SEMA4D: variants seen among roughly 807,000 people sequenced by gnomAD.
SEMA4D encodes semaphorin-4D.
SEMA4D carries 22 observed loss-of-function variants against 74.8 expected under a neutral mutation model. The ratio of observed to expected loss-of-function variants is 0.29; its 90% CI spans 0.21 to 0.42. SEMA4D has a LOEUF of 0.42. SEMA4D is among the 10% of genes least tolerant of loss of function. The pLI is 1.00. For missense variants in SEMA4D, 937 were observed against 1,118.4 expected (o/e 0.84, Z 2.31); for synonymous variants, 445 against 463.7 (o/e 0.96, Z 0.52).
chr9:89,465,950 G>A (rs756523883), intron 1 of SEMA4D, among the ~76,000 whole-genome samples: 3 of 152,208 alleles, frequency 2.0e-5, no homozygotes, highest in Non-Finnish European at 4.4e-5. Flanking sequence ...GCAGAATAAG[G>A]TGTGTCTAGA....
downstream of SEMA4D, chr9:89,376,942 A>G (rs1835878232): frequency 1.3e-6 from 2 of 1,550,542 alleles, no homozygotes; most frequent in African/African-American, 2.7e-5. Context: ...CGGGCCCCGC[A>G]CCCGAGGCTG....
intron 2 of SEMA4D, among the ~76,000 whole-genome samples, chr9:89,445,715 G>A (rs188433299): frequency 9.8e-5 from 15 of 152,308 alleles, no homozygotes; most frequent in Admixed American, 5.2e-4. Flanking sequence ...TCAGACAGCC[G>A]AAGTCCCCTC....
intron 2 of SEMA4D, among the ~76,000 whole-genome samples, chr9:89,447,561 C>G (rs1338947213): frequency 6.6e-6 from 1 of 152,116 alleles, no homozygotes. Context: ...GGTCCACCTT[C>G]AAATAAGCGC....
chr9:89,426,331 T>A (rs1221484359), intron 2 of SEMA4D, among the ~76,000 whole-genome samples: 2 of 152,202 alleles, frequency 1.3e-5, no homozygotes, highest in African/African-American at 4.8e-5. Context: ...TCATCTTTAG[T>A]GATTCTTTAA....
intron 2 of SEMA4D, among the ~76,000 whole-genome samples, chr9:89,419,609 C>T (rs370311771): frequency 5.3e-5 from 8 of 152,108 alleles, no homozygotes; most frequent in South Asian, 2.1e-4. Flanking sequence ...GTGAATATCA[C>T]GGATTTTAAA....
chr9:89,362,166 G>A, exon 19 of SEMA4D: 1 of 617,186 alleles, frequency 1.6e-6, no homozygotes, highest in South Asian at 2.0e-5. Flanking sequence ...TACTGTCCCA[G>A]GTAAGCACCT....
At chr9:89,463,665 G>A (rs1310466046) in intron 1 of SEMA4D, among the ~76,000 whole-genome samples, 1 of 152,240 alleles carries the variant, frequency 6.6e-6, no homozygotes, top group Non-Finnish European at 1.5e-5. Context: ...GCCGGGCATG[G>A]TGGCTCACGC....
At chr9:89,372,517 C>T (rs1653029415), downstream of SEMA4D, among the ~76,000 whole-genome samples, 3 of 151,882 alleles carry the variant, frequency 2.0e-5, no homozygotes, top group Admixed American at 1.3e-4. Context: ...GACAGCAGTC[C>T]ATCCCAGGGC....
At chr9:89,428,405 G>A (rs1848551790) in intron 2 of SEMA4D, among the ~76,000 whole-genome samples, 1 of 152,248 alleles carries the variant, frequency 6.6e-6, no homozygotes, top group South Asian at 2.1e-4. Context: ...CAAGAGCCCA[G>A]TGCCATGCCC....
At chr9:89,393,802 G>C in intron 6 of SEMA4D, 147 bp from the exon 7 acceptor site, 1 of 642,030 alleles carries the variant, frequency 1.6e-6, no homozygotes, top group Non-Finnish European at 2.8e-6. Context: ...CAGGAGTCCC[G>C]CCCACTAGGG....
At chr9:89,468,805 G>A (rs527440948) in intron 1 of SEMA4D, among the ~76,000 whole-genome samples, 3 of 152,210 alleles carry the variant, frequency 2.0e-5, no homozygotes, top group South Asian at 2.1e-4. Context: ...GAAACTTCTA[G>A]AGACACTGAA....
intron 1 of SEMA4D, among the ~76,000 whole-genome samples, chr9:89,488,619 C>T (rs902843933): frequency 6.6e-5 from 10 of 152,122 alleles, no homozygotes; most frequent in South Asian, 2.1e-4. Context: ...GTGTTCCACT[C>T]ACCTCAGCCT....
At chr9:89,437,550 C>CA (rs1456955566) in intron 2 of SEMA4D, among the ~76,000 whole-genome samples, 1 of 152,180 alleles carries the variant, frequency 6.6e-6, no homozygotes, top group African/African-American at 2.4e-5. Flanking sequence ...TGCTGCGGTG[C>CA]GCCCTGAGAG....
At chr9:89,439,169 A>G (rs1010187083) in intron 2 of SEMA4D, among the ~76,000 whole-genome samples, 1 of 151,524 alleles carries the variant, frequency 6.6e-6, no homozygotes, top group East Asian at 1.9e-4. Flanking sequence ...TTTATTAGAG[A>G]CATGTTTCCA....
intron 1 of SEMA4D, among the ~76,000 whole-genome samples, chr9:89,481,086 C>A (rs1239900421): frequency 3.3e-5 from 5 of 152,260 alleles, no homozygotes; most frequent in African/African-American, 1.2e-4. Context: ...CTGGGACACA[C>A]TAGGCAGGCA....
chr9:89,362,341 G>A (rs1832821811), exon 19 of SEMA4D: 4 of 1,613,930 alleles, frequency 2.5e-6, no homozygotes, highest in Admixed American at 1.7e-5. Context: ...GGGTGGCTGT[G>A]GTCAGTGGCA....
chr9:89,394,438 G>A (rs1840479991), intron 6 of SEMA4D, among the ~76,000 whole-genome samples: 1 of 152,220 alleles, frequency 6.6e-6, no homozygotes, highest in African/African-American at 2.4e-5. Flanking sequence ...GCATCCAGGA[G>A]AAAAACAGGC....
intron 2 of SEMA4D, among the ~76,000 whole-genome samples, chr9:89,450,974 T>C (rs1198959300): frequency 1.3e-5 from 2 of 152,162 alleles, no homozygotes; most frequent in Non-Finnish European, 2.9e-5. Flanking sequence ...AAGACTTTAA[T>C]TGAACAAAAG....
chr9:89,388,950 T>G lies in SEMA4D; in HGVS notation c.872A>C (p.Asn291Thr). ...GAGCACGAAGACATCCCGCAGCACA[T>G]TGAAGACCAAGCCGCTGTCTGGCCG... is the stretch of plus-strand genomic sequence containing the variant. ...CSRPDSGLVF[N>T]VLRDVFVLRS... Residue 291 changes from asparagine (N) to threonine (T), a missense_variant, in exon 10 of 16, where the codon AAT becomes ACT. By Grantham distance (65) the Asn-to-Thr change is moderately conservative. Coordinates refer to ENST00000422704, the MANE Select transcript of SEMA4D (RefSeq NM_001371194.2). 6.2e-7 allele frequency: 1 copy of G among 1,613,984 alleles called. No individual in the cohort carries two copies.
Sources: allele counts gnomAD v4.1 joint callset (sites outside exome capture counted in the v4.1 genomes callset), GRCh38; gene constraint gnomAD v4.1.1; transcripts MANE v1.5; gene names NCBI Gene and HGNC (gene_info 2026-07-23, HGNC 2026-07-21).